Variants in UNC5D observed in about 807,000 individuals in gnomAD.
The protein encoded by UNC5D is netrin receptor UNC5D.
In UNC5D, 39 loss-of-function variants were observed where a neutral mutation model predicts 105.4. The ratio of observed to expected loss-of-function variants is 0.37; its 90% CI spans 0.29 to 0.48. The LOEUF is 0.48. Among genes scored for constraint, UNC5D ranks in the 20% least tolerant of loss-of-function variants. The pLI is 0.98. For synonymous variants in UNC5D, 452 were observed against 450.4 expected, an observed-to-expected ratio of 1.00 and a Z score of -0.04; for missense variants, 991 against 1,202.4, an observed-to-expected ratio of 0.82 and a Z score of 2.60.
chr8:35,630,624 A>G (rs573669505), intron 4 of UNC5D, among the ~76,000 whole-genome samples: 1 of 152,210 alleles, frequency 6.6e-6, no homozygotes, highest in South Asian at 2.1e-4. Context: ...GTAAATTTCC[A>G]TGATTTTCTC....
At chr8:35,752,676 A>G (rs539571886) in intron 13 of UNC5D, among the ~76,000 whole-genome samples, 1 of 152,336 alleles carries the variant, frequency 6.6e-6, no homozygotes, top group Non-Finnish European at 1.5e-5. Flanking sequence ...TTGCTCCAAG[A>G]GAAAATATAT....
At chr8:35,766,627 C>A (rs1801780788) in intron 14 of UNC5D, among the ~76,000 whole-genome samples, 1 of 152,120 alleles carries the variant, frequency 6.6e-6, no homozygotes, top group Admixed American at 6.5e-5. Context: ...TTGTGTGTCA[C>A]CAAGTGAAAT....
chr8:35,348,932 CAAT>C (rs757335319), intron 1 of UNC5D, among the ~76,000 whole-genome samples: 19 of 151,672 alleles, frequency 1.3e-4, no homozygotes, highest in Non-Finnish European at 2.5e-4. Flanking sequence ...CATTTAGAAA[CAAT>C]AAAACCCATT....
chr8:35,779,765 T>C (rs1802419878), intron 16 of UNC5D, among the ~76,000 whole-genome samples: 1 of 152,106 alleles, frequency 6.6e-6, no homozygotes, highest in Non-Finnish European at 1.5e-5. Flanking sequence ...CAGGAGAGTG[T>C]TCTTGACCCT....
intron 1 of UNC5D, among the ~76,000 whole-genome samples, chr8:35,321,351 A>C (rs1041817281): frequency 6.6e-6 from 1 of 152,154 alleles, no homozygotes; most frequent in Non-Finnish European, 1.5e-5. Flanking sequence ...GGGAGAGACC[A>C]GGTGGAGGTA....
intron 1 of UNC5D, among the ~76,000 whole-genome samples, chr8:35,443,165 C>T (rs148728163): frequency 3.2e-4 from 49 of 151,786 alleles, no homozygotes; most frequent in Admixed American, 5.3e-4. Flanking sequence ...CCCAAGTAAC[C>T]GTATTTAATG....
intron 1 of UNC5D, among the ~76,000 whole-genome samples, chr8:35,386,111 CTTTTAT>C (rs1357016587): frequency 6.6e-6 from 1 of 152,122 alleles, no homozygotes; most frequent in Non-Finnish European, 1.5e-5. Flanking sequence ...TTAATTTAAT[CTTTTAT>C]TTTTTATTTT....
At chr8:35,350,106 AC>A (rs1812105143) in intron 1 of UNC5D, among the ~76,000 whole-genome samples, 1 of 151,844 alleles carries the variant, frequency 6.6e-6, no homozygotes, top group South Asian at 2.1e-4. Flanking sequence ...AGTCTTGGGA[AC>A]CCCCAGAGTT....
chr8:35,289,202 A>T (rs1806847675), intron 1 of UNC5D, among the ~76,000 whole-genome samples: 1 of 152,220 alleles, frequency 6.6e-6, no homozygotes, highest in Admixed American at 6.5e-5. Flanking sequence ...GGGAGCAATG[A>T]TAACCAACTT....
chr8:35,778,018 G>A (rs970252130), intron 16 of UNC5D, among the ~76,000 whole-genome samples: 2 of 152,116 alleles, frequency 1.3e-5, no homozygotes, highest in African/African-American at 4.8e-5. Flanking sequence ...TTGTTCTGCA[G>A]GTTAGAAAAC....
chr8:35,623,609 C>G (rs556001202), intron 4 of UNC5D, among the ~76,000 whole-genome samples: 1 of 152,270 alleles, frequency 6.6e-6, no homozygotes, highest in African/African-American at 2.4e-5. Context: ...AAAAAGTCCC[C>G]TCTTCCCCTT....
At chr8:35,281,172 C>G (rs1033469102) in intron 1 of UNC5D, among the ~76,000 whole-genome samples, 1 of 152,064 alleles carries the variant, frequency 6.6e-6, no homozygotes, top group African/African-American at 2.4e-5. Flanking sequence ...TACTGAAGCC[C>G]TTTTTTCAAA....
intron 1 of UNC5D, among the ~76,000 whole-genome samples, chr8:35,528,413 A>G (rs1396891392): frequency 2.5e-4 from 38 of 150,112 alleles, no homozygotes; most frequent in African/African-American, 7.6e-4. Flanking sequence ...TCTGTGGTGT[A>G]TATGTGCCAC....
rs543554045 is a variant in UNC5D at position 35,486,387 on chromosome 8, C to T, written c.104-62905C>T. 3.3e-5 allele frequency among the ~76,000 whole-genome samples: 5 copies of T among 152,180 alleles called. No individual in the cohort carries two copies. In the South Asian group the frequency reaches 6.2e-4, roughly 19 times the overall value. ...GCTCAATGAAGTTCAATACTAATACCGATGCTGATGGAGAGGGGCCCAAGG... is the reference window on the plus strand; with the variant it reads ...GCTCAATGAAGTTCAATACTAATACTGATGCTGATGGAGAGGGGCCCAAGG... On this transcript the variant is annotated intron_variant, in intron 1 of 16. Coordinates refer to ENST00000404895, the MANE Select transcript of UNC5D (RefSeq NM_080872.4).
chr8:35,365,844 G>A (rs1802090449), intron 1 of UNC5D, among the ~76,000 whole-genome samples: 1 of 152,078 alleles, frequency 6.6e-6, no homozygotes, highest in East Asian at 1.9e-4. Flanking sequence ...GAAAAATAAT[G>A]AGAGTTGAAT....
chr8:35,721,885 T>C (rs1828602247), intron 8 of UNC5D, among the ~76,000 whole-genome samples: 2 of 152,220 alleles, frequency 1.3e-5, no homozygotes, highest in Admixed American at 1.3e-4. Context: ...CAGGTAAACA[T>C]GACATCCTAA....
At chr8:35,474,747 T>C (rs913731932) in intron 1 of UNC5D, among the ~76,000 whole-genome samples, 2 of 152,148 alleles carry the variant, frequency 1.3e-5, no homozygotes, top group Non-Finnish European at 2.9e-5. Flanking sequence ...GGAAATAACC[T>C]CTCATTGCAT....
chr8:35,356,250 C>T (rs1222093922), intron 1 of UNC5D, among the ~76,000 whole-genome samples: 2 of 152,130 alleles, frequency 1.3e-5, no homozygotes, highest in African/African-American at 2.4e-5. Flanking sequence ...ATATTAGCTA[C>T]GTAATGAATT....
intron 1 of UNC5D, among the ~76,000 whole-genome samples, chr8:35,412,467 C>G (rs1272725864): frequency 7.4e-6 from 1 of 135,248 alleles, no homozygotes; most frequent in East Asian, 2.1e-4. Context: ...TATGTTATGA[C>G]AAAAAAAAAA....
Sources: gnomAD v4.1 joint callset for allele counts (sites outside exome capture counted in the v4.1 genomes callset) on GRCh38, gnomAD v4.1.1 for gene constraint, MANE v1.5 for transcripts, NCBI Gene and HGNC (gene_info 2026-07-23, HGNC 2026-07-21) for gene names.